NOP9: variants seen among roughly 807,000 people sequenced by gnomAD.
The protein encoded by NOP9 is NOP9 nucleolar protein.
In NOP9, 50 loss-of-function variants were observed where a neutral mutation model predicts 63.0. That is an observed-to-expected ratio of 0.79 (90% CI 0.63 to 1.00). NOP9 has a LOEUF of 1.00. Ranked by LOEUF, NOP9 falls within the 50% of genes least tolerant of loss-of-function variation. The pLI, the probability that NOP9 is intolerant of heterozygous loss-of-function variation, is 0.00. For synonymous variants in NOP9, 343 were observed against 332.8 expected, an observed-to-expected ratio of 1.03 and a Z score of -0.33; for missense variants, 758 against 803.0, an observed-to-expected ratio of 0.94 and a Z score of 0.68.
At chr14:24,275,926 G>T in the NOP9 span, among the ~76,000 whole-genome samples, 1 of 152,214 alleles carries the variant, frequency 6.6e-6, no homozygotes, top group Non-Finnish European at 1.5e-5. Context: ...AGCACTGTCC[G>T]ATAGAACTTT....
At chr14:24,294,608 A>AACAACC in the NOP9 span, 1 of 151,982 alleles carries the variant, frequency 6.6e-6, no homozygotes, top group Non-Finnish European at 1.5e-5. Context: ...CAACAACAAC[A>AACAACC]ACAACAACAA....
the NOP9 span, chr14:24,292,721 G>A: frequency 3.0e-4 from 490 of 1,614,170 alleles, 4 homozygotes; most frequent in African/African-American, 5.6e-3. Context: ...AGATGACCAC[G>A]ATGAGCCCCT....
At chr14:24,293,505 C>A in the NOP9 span, 1 of 151,994 alleles carries the variant, frequency 6.6e-6, no homozygotes, top group Non-Finnish European at 1.5e-5. Flanking sequence ...GCCCAGGAGG[C>A]GGAGGTTGCA....
chr14:24,307,441 C>G lies in NOP9; in HGVS notation c.*2346C>G, dbSNP rs372963517. The G allele has an allele frequency of 5.0e-6, 8 of 1,613,946 alleles. No individual in the cohort carries two copies. The African/African-American group carries it at 8.0e-5, about 16-fold the overall frequency. On this transcript the variant is annotated 3_prime_UTR_variant, in exon 10 of 10. Coordinates refer to ENST00000267425, the MANE Select transcript of NOP9 (RefSeq NM_174913.3). ...GATGGTCCGCTTGTGATCACAGACA[C>G]GGAAAGGTCGCTGGGGTGGTGGAGC... is the stretch of plus-strand genomic sequence containing the variant.
chr14:24,277,503 AG>A, the NOP9 span, among the ~76,000 whole-genome samples: 1 of 152,154 alleles, frequency 6.6e-6, no homozygotes, highest in Non-Finnish European at 1.5e-5. Context: ...GCCTCAGTGG[AG>A]GGCAAAAGAA....
At chr14:24,287,820 G>A in the NOP9 span, among the ~76,000 whole-genome samples, 2 of 152,186 alleles carry the variant, frequency 1.3e-5, no homozygotes, top group Non-Finnish European at 2.9e-5. Context: ...GTAGTTTACT[G>A]CAGCACTCAT....
chr14:24,293,470 A>T, the NOP9 span: 3 of 152,182 alleles, frequency 2.0e-5, no homozygotes, highest in Non-Finnish European at 4.4e-5. Context: ...GCTACTCGGG[A>T]GCCTGAGGCA....
chr14:24,291,642 G>T, the NOP9 span: 1 of 1,613,050 alleles, frequency 6.2e-7, no homozygotes. Context: ...CACAGGGGCA[G>T]AGAAGTGAAG....
intron 1 of NOP9, 58 bp downstream of exon 1, chr14:24,300,259 A>G (rs927495856): frequency 2.3e-5 from 37 of 1,596,734 alleles, no homozygotes; most frequent in Middle Eastern, 1.7e-4. Flanking sequence ...AGGCAAGGAA[A>G]CTTTCTAGGG....
Position 24,306,500 on chromosome 14 carries a change from A to G in NOP9, c.*1405A>G. 1 of 1,614,240 alleles carries G rather than the reference A, an allele frequency of 6.2e-7. No homozygotes were observed. The highest frequency in any genetic ancestry group is 8.5e-7 in the Non-Finnish European group (1 of 1,180,036). Reference sequence around the variant, plus strand: ...CCTCTAGCACCAGGGTTAGCACTCCATTCAGCAGTAGGGTCTCCAATGCCT... The same window carrying G: ...CCTCTAGCACCAGGGTTAGCACTCCGTTCAGCAGTAGGGTCTCCAATGCCT... On this transcript the variant is annotated 3_prime_UTR_variant, in exon 10 of 10. Coordinates refer to ENST00000267425, the MANE Select transcript of NOP9 (RefSeq NM_174913.3).
At chr14:24,291,932 C>A in the NOP9 span, 7 of 607,262 alleles carry the variant, frequency 1.2e-5, no homozygotes, top group African/African-American at 3.7e-5. Context: ...GTCTTTGGAG[C>A]TAGACAGCCT....
At chr14:24,273,820 G>T in the NOP9 span, among the ~76,000 whole-genome samples, 5 of 152,346 alleles carry the variant, frequency 3.3e-5, no homozygotes, top group African/African-American at 1.2e-4. Context: ...GCTTGTCCCA[G>T]TGTGACCTGG....
chr14:24,286,750 GC>G, the NOP9 span, among the ~76,000 whole-genome samples: 24 of 146,138 alleles, frequency 1.6e-4, no homozygotes, highest in Non-Finnish European at 2.9e-4. Flanking sequence ...CCGCCACCAT[GC>G]CCAGCTATTT....
In NOP9 at chr14:24,302,262, G is replaced by A. The variant is rs755618361; in HGVS notation, c.981G>A (p.Thr327=). ...TACTGCTATTTCTCCGAGATCAGACGAGTTCCAGACTCCTGGAGCAGGTCC... is the reference window on the plus strand; with the variant it reads ...TACTGCTATTTCTCCGAGATCAGACAAGTTCCAGACTCCTGGAGCAGGTCC... The part of the protein sequence containing the change: ...SPLLLFLRDQ[T]SSRLLEQVLL... The change falls in exon 5 of 10, where the codon ACG becomes ACA. Residue 327 remains threonine, a synonymous_variant. Coordinates refer to ENST00000267425, the MANE Select transcript of NOP9 (RefSeq NM_174913.3). 9.9e-6 allele frequency: 16 copies of A among 1,613,542 alleles called. No individual in the cohort carries two copies. The East Asian group carries it at 1.1e-4, about 11-fold the overall frequency.
chr14:24,303,789 A>T lies in NOP9; in HGVS notation c.1342A>T (p.Thr448Ser), dbSNP rs748884588. The change falls in exon 7 of 10, where the codon ACT (threonine) becomes TCT (serine). Residue 448 changes from threonine (T) to serine (S), a missense_variant. Physicochemically the swap from Thr to Ser is moderately conservative, Grantham distance 58. Coordinates refer to ENST00000267425, the MANE Select transcript of NOP9 (RefSeq NM_174913.3). Reference protein sequence around the residue: ...RQVACVPLFATLMAYEVYYGL... With the variant: ...RQVACVPLFASLMAYEVYYGL... ...AGTGGCCTGTGTGCCTCTCTTTGCCACTTTGATGGCTTATGAGGTGTACTA... is the reference window on the plus strand; with the variant it reads ...AGTGGCCTGTGTGCCTCTCTTTGCCTCTTTGATGGCTTATGAGGTGTACTA... The T allele has an allele frequency of 6.2e-7, 1 of 1,614,140 alleles. No individual in the cohort carries two copies. Among genetic ancestry groups the T allele is most frequent in the South Asian group, 1.1e-5 (1 of 91,078 alleles).
chr14:24,301,512 C>A, intron 2 of NOP9, 100 bp from the exon 3 acceptor site: 8 of 1,443,138 alleles, frequency 5.5e-6, no homozygotes, highest in Non-Finnish European at 7.7e-6. Flanking sequence ...TACATCTGTT[C>A]TGCATCTCCA....
At chr14:24,298,737 G>A, upstream of NOP9, 1 of 540,942 alleles carries the variant, frequency 1.8e-6, no homozygotes, top group Admixed American at 3.6e-5. Context: ...GTGCCACCAT[G>A]CCTGGCTCAA....
In NOP9 at chr14:24,302,362, G is replaced by A. The variant is rs1461383674; in HGVS notation, c.1081G>A (p.Ala361Thr). ...GCAGGGGCAGCTGCAGACCCTGGCT[G>A]CACATCCCATTGCCAACTTCCCTTT... ...HLQGQLQTLAAHPIANFPLQR... is the reference protein window; with the variant it reads ...HLQGQLQTLATHPIANFPLQR... The change falls in exon 5 of 10, where the codon GCA becomes ACA. Residue 361 changes from alanine (A) to threonine (T), a missense_variant. Ala to Thr is a moderately conservative substitution (Grantham distance 58). Coordinates refer to ENST00000267425, the MANE Select transcript of NOP9 (RefSeq NM_174913.3). 6.2e-7 allele frequency: 1 copy of A among 1,614,080 alleles called. No homozygotes were observed. Among genetic ancestry groups the A allele is most frequent in the Non-Finnish European group, 8.5e-7 (1 of 1,180,000 alleles).
chr14:24,296,909 A>G (rs747495084), upstream of NOP9: 1 of 1,613,900 alleles, frequency 6.2e-7, no homozygotes, highest in East Asian at 2.2e-5. Flanking sequence ...ATATGAGCTC[A>G]CATTCACACA....
Sources: gnomAD v4.1 joint callset for allele counts (sites outside exome capture counted in the v4.1 genomes callset) on GRCh38, gnomAD v4.1.1 for gene constraint, MANE v1.5 for transcripts, NCBI Gene and HGNC (gene_info 2026-07-23, HGNC 2026-07-21) for gene names.